CHD6: variants seen among roughly 807,000 people sequenced by gnomAD.
The protein encoded by CHD6 is ATP-dependent chromatin remodeler CHD6.
CHD6 carries 50 observed loss-of-function variants against 276.9 expected under a neutral mutation model. The observed-to-expected ratio is 0.18, with a 90% confidence interval of 0.14 to 0.23. CHD6 has a LOEUF of 0.23. CHD6 is among the 10% of genes least tolerant of loss of function. The pLI is 1.00. For missense variants in CHD6, 2,564 were observed against 3,365.8 expected (o/e 0.76, Z 5.89); for synonymous variants, 1,173 against 1,229.3 (o/e 0.95, Z 0.96).
intron 2 of CHD6, among the ~76,000 whole-genome samples, chr20:41,541,599 G>GAGTGAGAAGAAAC (rs2044943010): frequency 6.6e-6 from 1 of 152,194 alleles, no homozygotes; most frequent in Non-Finnish European, 1.5e-5. Flanking sequence ...AGAACCTACA[G>GAGTGAGAAGAAAC]AGTGAGAAGA....
intron 1 of CHD6, among the ~76,000 whole-genome samples, chr20:41,558,998 T>A (rs775607624): frequency 6.6e-6 from 1 of 152,248 alleles, no homozygotes; most frequent in South Asian, 2.1e-4. Flanking sequence ...ACAACGACTT[T>A]AAGTGAAACA....
chr20:41,495,207 T>C (rs572220591), intron 8 of CHD6, among the ~76,000 whole-genome samples: 2 of 152,312 alleles, frequency 1.3e-5, no homozygotes, highest in East Asian at 3.9e-4. Context: ...ACAAGCTAAG[T>C]GTCCATCAAG....
intron 5 of CHD6, among the ~76,000 whole-genome samples, chr20:41,510,710 AC>A (rs1376889735): frequency 3.9e-5 from 6 of 152,220 alleles, no homozygotes; most frequent in African/African-American, 1.4e-4. Context: ...AGTCATAACA[AC>A]ATCTGAAATA....
At chr20:41,585,835 T>A (rs776873405) in intron 1 of CHD6, among the ~76,000 whole-genome samples, 2 of 152,102 alleles carry the variant, frequency 1.3e-5, no homozygotes, top group African/African-American at 4.8e-5. Context: ...TACCAGCAAA[T>A]TGAATCCTGC....
chr20:41,474,139 A>G (rs2043119709), intron 16 of CHD6, among the ~76,000 whole-genome samples: 1 of 152,186 alleles, frequency 6.6e-6, no homozygotes, highest in East Asian at 1.9e-4. Context: ...AAATCACAGG[A>G]AAGGTTTTTG....
At chr20:41,556,406 T>C (rs541714519) in intron 1 of CHD6, among the ~76,000 whole-genome samples, 4 of 148,278 alleles carry the variant, frequency 2.7e-5, no homozygotes, top group Non-Finnish European at 1.5e-5. Context: ...ACTCAGGCAA[T>C]GTGCCACTAG....
chr20:41,609,359 G>A (rs1011691665), intron 1 of CHD6, among the ~76,000 whole-genome samples: 7 of 152,170 alleles, frequency 4.6e-5, no homozygotes, highest in African/African-American at 1.7e-4. Flanking sequence ...AAAAGCCAAA[G>A]CAGCAAGTTA....
intron 1 of CHD6, among the ~76,000 whole-genome samples, chr20:41,591,439 C>A (rs991308400): frequency 6.7e-6 from 1 of 149,186 alleles, no homozygotes; most frequent in Non-Finnish European, 1.5e-5. Context: ...TAAAAGAAAG[C>A]CAGGAGATTG....
intron 17 of CHD6, among the ~76,000 whole-genome samples, chr20:41,469,250 T>C (rs895442666): frequency 6.6e-6 from 1 of 152,204 alleles, no homozygotes; most frequent in Non-Finnish European, 1.5e-5. Flanking sequence ...ACTTTCTGAA[T>C]TCTGCCTTCA....
At chr20:41,552,935 G>C (rs187763390) in intron 1 of CHD6, among the ~76,000 whole-genome samples, 47 of 152,286 alleles carry the variant, frequency 3.1e-4, no homozygotes, top group Non-Finnish European at 1.3e-4. Flanking sequence ...AAGAATCAAT[G>C]CAAGGGTTAG....
intron 3 of CHD6, among the ~76,000 whole-genome samples, chr20:41,523,621 T>C (rs898756864): frequency 2.6e-5 from 4 of 151,908 alleles, no homozygotes; most frequent in African/African-American, 9.7e-5. Context: ...CTGTAGTTTG[T>C]CCTAGAAAAA....
In CHD6 at chr20:41,608,219, G is replaced by A. The variant is rs1028942533; in HGVS notation, c.-24+10121C>T. Among the ~76,000 whole-genome samples the A allele has an allele frequency of 4.6e-5, 7 of 152,226 alleles. No individual in the cohort carries two copies. The South Asian group carries it at 6.2e-4, about 14-fold the overall frequency. ...AAGGTTAATTTACAAGCATTTTACC[G>A]TGATAAAAGGGAGGGATATGCCAAA... is the stretch of plus-strand genomic sequence containing the variant. On this transcript the variant is annotated intron_variant, in intron 1 of 36. Coordinates refer to ENST00000373233, the MANE Select transcript of CHD6 (RefSeq NM_032221.5).
chr20:41,530,134 T>C (rs113433125), intron 3 of CHD6, among the ~76,000 whole-genome samples: 4 of 152,210 alleles, frequency 2.6e-5, no homozygotes, highest in South Asian at 2.1e-4. Context: ...GCAAGTCTGA[T>C]GGTGGCCACA....
intron 31 of CHD6, among the ~76,000 whole-genome samples, chr20:41,419,855 T>C (rs952438327): frequency 4.6e-5 from 7 of 152,214 alleles, no homozygotes; most frequent in African/African-American, 7.2e-5. Context: ...GCAAAGCCCA[T>C]AGAATCTCAG....
chr20:41,519,747 T>G (rs1426956726), intron 3 of CHD6, among the ~76,000 whole-genome samples: 1 of 152,064 alleles, frequency 6.6e-6, no homozygotes, highest in African/African-American at 2.4e-5. Context: ...GCAATACCAT[T>G]CAGGACACAG....
intron 1 of CHD6, among the ~76,000 whole-genome samples, chr20:41,574,493 A>G (rs1160430490): frequency 6.6e-6 from 1 of 152,186 alleles, no homozygotes; most frequent in African/African-American, 2.4e-5. Context: ...TTACAAAGTC[A>G]AAGCTGAACT....
chr20:41,531,518 C>A (rs1236387163), intron 3 of CHD6, among the ~76,000 whole-genome samples: 1 of 152,164 alleles, frequency 6.6e-6, no homozygotes, highest in Non-Finnish European at 1.5e-5. Context: ...AGAGTATGCT[C>A]ACTAGGTTCA....
At chr20:41,448,559 G>A (rs980798231) in intron 23 of CHD6, among the ~76,000 whole-genome samples, 1 of 152,176 alleles carries the variant, frequency 6.6e-6, no homozygotes, top group Non-Finnish European at 1.5e-5. Context: ...GCATCATGCC[G>A]GGTGCTATAG....
At chr20:41,541,222 A>G (rs370208933) in intron 2 of CHD6, among the ~76,000 whole-genome samples, 5 of 152,210 alleles carry the variant, frequency 3.3e-5, no homozygotes, top group Non-Finnish European at 7.3e-5. Flanking sequence ...GTATACAGTC[A>G]GTCCCCGACT....
Sources: gnomAD v4.1 joint callset for allele counts (sites outside exome capture counted in the v4.1 genomes callset) on GRCh38, gnomAD v4.1.1 for gene constraint, MANE v1.5 for transcripts, NCBI Gene and HGNC (gene_info 2026-07-23, HGNC 2026-07-21) for gene names.